PLCE1: variants seen among roughly 807,000 people sequenced by gnomAD.
The protein encoded by PLCE1 is phospholipase C epsilon 1, also known as 1-phosphatidylinositol 4,5-bisphosphate phosphodiesterase epsilon-1.
PLCE1 carries 119 observed loss-of-function variants against 242.8 expected under a neutral mutation model. The observed-to-expected ratio is 0.49, with a 90% CI of 0.42 to 0.57. PLCE1 has a LOEUF of 0.57. Among genes scored for constraint, PLCE1 ranks in the 20% least tolerant of loss-of-function variants. The pLI is 0.00. For synonymous variants in PLCE1, 945 were observed against 1,017.4 expected (o/e 0.93, Z 1.35); for missense variants, 2,441 against 2,788.8 (o/e 0.88, Z 2.81).
At chr10:94,264,137 A>C (rs1406083039) in intron 14 of PLCE1, among the ~76,000 whole-genome samples, 1 of 152,182 alleles carries the variant, frequency 6.6e-6, no homozygotes, top group African/African-American at 2.4e-5. Context: ...TAGGGGAAAA[A>C]CTGAGTCAAG....
chr10:94,143,123 A>G (rs1050587726), intron 3 of PLCE1, among the ~76,000 whole-genome samples: 2 of 152,218 alleles, frequency 1.3e-5, no homozygotes, highest in African/African-American at 4.8e-5. Context: ...AGGTTTCTAC[A>G]ACCATTTAAG....
chr10:94,253,356 C>CT (rs916116667), intron 9 of PLCE1, among the ~76,000 whole-genome samples: 4 of 151,354 alleles, frequency 2.6e-5, no homozygotes, highest in South Asian at 2.1e-4. Context: ...GTGCCACACA[C>CT]TTTTTTTTTC....
intron 1 of PLCE1, among the ~76,000 whole-genome samples, chr10:94,003,846 G>A (rs1177653371): frequency 6.6e-6 from 1 of 152,092 alleles, no homozygotes. Flanking sequence ...AAAATGAAAT[G>A]CCTTTTAAAA....
At chr10:94,267,517 G>GGGCAAAT in intron 16 of PLCE1, among the ~76,000 whole-genome samples, 1 of 152,240 alleles carries the variant, frequency 6.6e-6, no homozygotes, top group African/African-American at 2.4e-5. Context: ...TTACTCCATG[G>GGGCAAAT]GGCAAATGGG....
chr10:94,328,348 G>C lies in PLCE1; in HGVS notation c.*405G>C, dbSNP rs1013618747. ...AGCCATAGACAACACATACATGAACGAACGTGGCTGTATTCCAATAAAACT... is the reference window on the plus strand; with the variant it reads ...AGCCATAGACAACACATACATGAACCAACGTGGCTGTATTCCAATAAAACT... On this transcript the variant is annotated 3_prime_UTR_variant, in exon 33 of 33. Coordinates refer to ENST00000371380, the MANE Select transcript of PLCE1 (RefSeq NM_016341.4). The C allele has an allele frequency of 1.3e-5, 2 of 157,426 alleles. No individual in the cohort carries two copies. The highest frequency in any genetic ancestry group is 2.4e-5 in the African/African-American group (1 of 41,466). The allele number at this position is 157,426 out of a possible 1,614,324, so 9.8% of individuals were successfully genotyped here.
chr10:94,101,758 C>T lies in PLCE1; in HGVS notation c.1207-30416C>T, dbSNP rs1022858871. ...CCTTTGGAGGCAGAGGTTGTGGGCA[C>T]GGGAAGGATGTTGCCCCCTGCTCTG... is the stretch of plus-strand genomic sequence containing the variant. On this transcript the variant is annotated intron_variant, in intron 2 of 32. Transcript: ENST00000371380. 1.4e-4 allele frequency among the ~76,000 whole-genome samples: 21 copies of T among 152,222 alleles called. No homozygotes were observed. The South Asian group carries it at 1.7e-3, about 12-fold the overall frequency.
chr10:94,201,156 G>A (rs1010130255), intron 4 of PLCE1, among the ~76,000 whole-genome samples: 12 of 152,188 alleles, frequency 7.9e-5, no homozygotes, highest in African/African-American at 1.7e-4. Context: ...ATTAATAAAC[G>A]GGGACTTGGG....
chr10:93,994,878 A>C (rs140563653), intron 1 of PLCE1, among the ~76,000 whole-genome samples: 311 of 152,338 alleles, frequency 2.0e-3, no homozygotes, highest in African/African-American at 7.3e-3. Flanking sequence ...AGACTCATTT[A>C]GTGATTAATC....
chr10:94,005,821 C>G (rs1589841889), intron 1 of PLCE1, among the ~76,000 whole-genome samples: 1 of 152,346 alleles, frequency 6.6e-6, no homozygotes, highest in Non-Finnish European at 1.5e-5. Flanking sequence ...CCTTCCCAGT[C>G]ATGACACGCT....
intron 4 of PLCE1, among the ~76,000 whole-genome samples, chr10:94,216,295 TC>T (rs2049523644): frequency 6.6e-6 from 1 of 152,052 alleles, no homozygotes; most frequent in Non-Finnish European, 1.5e-5. Flanking sequence ...AAAGGAGCAC[TC>T]CTTATAGGAA....
At chr10:94,273,285 A>G (rs2051818727) in intron 18 of PLCE1, among the ~76,000 whole-genome samples, 2 of 152,208 alleles carry the variant, frequency 1.3e-5, no homozygotes, top group Admixed American at 6.5e-5. Flanking sequence ...TATTTAATAC[A>G]TCAGACCACA....
At chr10:94,266,959 G>C (rs1469640718) in intron 16 of PLCE1, among the ~76,000 whole-genome samples, 1 of 152,212 alleles carries the variant, frequency 6.6e-6, no homozygotes, top group Non-Finnish European at 1.5e-5. Context: ...CCCACACTGA[G>C]ATGAGGAAGC....
rs185625283 is a variant in PLCE1 at position 94,182,614 on chromosome 10, T to C, written c.1809+11118T>C. Among the ~76,000 whole-genome samples the C allele has an allele frequency of 2.0e-5, 3 of 152,228 alleles. No homozygotes were observed. In the East Asian group the frequency reaches 5.8e-4, roughly 29 times the overall value. On this transcript the variant is annotated intron_variant, in intron 4 of 32. Transcript: ENST00000371380. ...TTCTTCTTTCCTTCATTCCTTCCTT[T>C]TCTTCTTTCCTTTCTTTCTGTATTT...
chr10:94,082,097 GAGT>G (rs1187332279), intron 2 of PLCE1: 1 of 152,178 alleles, frequency 6.6e-6, no homozygotes, highest in Non-Finnish European at 1.5e-5. Context: ...CAGCTATAGG[GAGT>G]AGATCTTCAT....
chr10:94,021,551 C>T (rs369869414), intron 1 of PLCE1, among the ~76,000 whole-genome samples: 34 of 152,126 alleles, frequency 2.2e-4, no homozygotes, highest in African/African-American at 7.2e-4. Context: ...AAAACTCAAT[C>T]GACCATATAT....
At chr10:94,126,979 G>A (rs1021579399) in intron 2 of PLCE1, among the ~76,000 whole-genome samples, 7 of 152,190 alleles carry the variant, frequency 4.6e-5, no homozygotes, top group African/African-American at 1.2e-4. Context: ...CACAGAGTTA[G>A]AGAAATCTGG....
At chr10:94,320,916 T>C (rs1484572697) in intron 29 of PLCE1, among the ~76,000 whole-genome samples, 1 of 152,208 alleles carries the variant, frequency 6.6e-6, no homozygotes, top group African/African-American at 2.4e-5. Context: ...GGGTATTTTG[T>C]GGCGAATAAG....
At chr10:94,106,913 T>TCTCTCTCTCTCC (rs2045759466) in intron 2 of PLCE1, among the ~76,000 whole-genome samples, 1 of 52,934 alleles carries the variant, frequency 1.9e-5, no homozygotes, top group Non-Finnish European at 4.2e-5. Flanking sequence ...GTCTCTTGTT[T>TCTCTCTCTCTCC]CTCTCTCTCT....
At chr10:94,073,759 T>C (rs544460755) in intron 2 of PLCE1, among the ~76,000 whole-genome samples, 1 of 152,210 alleles carries the variant, frequency 6.6e-6, no homozygotes, top group South Asian at 2.1e-4. Context: ...GTCCTACTGC[T>C]CCCCACACAG....
Sources: gnomAD v4.1 joint callset for allele counts (sites outside exome capture counted in the v4.1 genomes callset) on GRCh38, gnomAD v4.1.1 for gene constraint, MANE v1.5 for transcripts, NCBI Gene and HGNC (gene_info 2026-07-23, HGNC 2026-07-21) for gene names.